Variants in CHN1 observed in about 807,000 individuals in gnomAD.
The protein encoded by CHN1 is chimerin 1.
In CHN1, 37 loss-of-function variants were observed where a neutral mutation model predicts 59.5. That is an observed-to-expected ratio of 0.62 (90% confidence interval 0.48 to 0.82). The LOEUF (loss-of-function observed/expected upper bound fraction) is 0.82. Ranked by LOEUF, CHN1 falls within the 40% of genes least tolerant of loss-of-function variation. The probability of loss-of-function intolerance (pLI) is 0.00; values close to 1 mark genes in which losing one functional copy is unlikely to be tolerated. For missense variants in CHN1, 469 were observed against 571.0 expected (o/e 0.82, Z 1.82); for synonymous variants, 206 against 200.4 (o/e 1.03, Z -0.24).
chr2:174,976,499 A>G (rs999176954), intron 1 of CHN1, among the ~76,000 whole-genome samples: 2 of 152,072 alleles, frequency 1.3e-5, no homozygotes, highest in African/African-American at 2.4e-5. Flanking sequence ...TCTGCCTCCC[A>G]AAGTGCTGGA....
At chr2:174,889,267 AGGT>A (rs2105345139) in intron 5 of CHN1, among the ~76,000 whole-genome samples, 1 of 150,324 alleles carries the variant, frequency 6.7e-6, no homozygotes, top group East Asian at 1.9e-4. Context: ...AGGCTGGAAA[AGGT>A]GGTTTTTTTT....
chr2:174,888,917 C>T lies in CHN1; in HGVS notation c.261-10789G>A, dbSNP rs545246289. Among the ~76,000 whole-genome samples the T allele has an allele frequency of 3.3e-5, 5 of 152,232 alleles. No homozygotes were observed. The East Asian group carries it at 5.8e-4, about 18-fold the overall frequency. On this transcript the variant is annotated intron_variant, in intron 5 of 12. Transcript: ENST00000409900. ...GTGCCACAGAGAAGCCAGTGCAGCC[C>T]GGTGTGAATCCACAAAAGGTGGGAG...
rs917692354 is a variant in CHN1 at position 174,873,657 on chromosome 2, G to A, written c.549+4183C>T. Among the ~76,000 whole-genome samples the A allele has an allele frequency of 3.9e-5, 6 of 152,156 alleles. No individual in the cohort carries two copies. In the South Asian group the frequency reaches 8.3e-4, roughly 21 times the overall value. ...TGGAGGTATCCAAAGAATTCAAGTA[G>A]TTATGGCAGTTTTGGGCAAGGACCC... On this transcript the variant is annotated intron_variant, in intron 6 of 12. Coordinates refer to ENST00000409900, the MANE Select transcript of CHN1 (RefSeq NM_001822.7).
At chr2:174,940,093 G>A (rs1689613358) in intron 3 of CHN1, among the ~76,000 whole-genome samples, 1 of 152,112 alleles carries the variant, frequency 6.6e-6, no homozygotes, top group African/African-American at 2.4e-5. Context: ...GCAGTGGTGT[G>A]ATCTTGGCTC....
At chr2:174,864,033 A>T (rs1236533541) in intron 6 of CHN1, among the ~76,000 whole-genome samples, 2 of 152,160 alleles carry the variant, frequency 1.3e-5, no homozygotes, top group Non-Finnish European at 2.9e-5. Flanking sequence ...CTAATCTTTC[A>T]GTGTTACTGA....
At chr2:174,831,907 T>G (rs1027911438) in intron 7 of CHN1, among the ~76,000 whole-genome samples, 1 of 152,060 alleles carries the variant, frequency 6.6e-6, no homozygotes, top group Non-Finnish European at 1.5e-5. Context: ...GGAAAATAAA[T>G]AAGTAAATGG....
intron 1 of CHN1, among the ~76,000 whole-genome samples, chr2:174,984,909 T>C (rs1344609870): frequency 6.6e-6 from 1 of 152,186 alleles, no homozygotes; most frequent in Non-Finnish European, 1.5e-5. Flanking sequence ...GATTCTTTCT[T>C]CAACAAACCT....
At chr2:174,890,699 GGA>G (rs761164544) in intron 5 of CHN1, among the ~76,000 whole-genome samples, 6 of 152,034 alleles carry the variant, frequency 3.9e-5, no homozygotes, top group Non-Finnish European at 7.4e-5. Flanking sequence ...ACAAGGAATA[GGA>G]GGACTTAAAC....
At chr2:174,847,484 T>G in intron 6 of CHN1, 2 of 1,180,986 alleles carry the variant, frequency 1.7e-6, no homozygotes, top group Non-Finnish European at 2.1e-6. Flanking sequence ...AATGATACAT[T>G]TCTAAAAGCT....
At chr2:174,807,510 GTGTT>G (rs1684934113) in intron 11 of CHN1, among the ~76,000 whole-genome samples, 1 of 134,274 alleles carries the variant, frequency 7.4e-6, no homozygotes, top group Non-Finnish European at 1.6e-5. Flanking sequence ...GTGTGTGTGT[GTGTT>G]GCTTTCTAGA....
At chr2:174,922,339 C>A (rs1689039867) in intron 3 of CHN1, among the ~76,000 whole-genome samples, 2 of 152,288 alleles carry the variant, frequency 1.3e-5, no homozygotes, top group East Asian at 3.9e-4. Context: ...TATACATGCA[C>A]ATGTACACAT....
chr2:174,873,972 G>T (rs1202782905), intron 6 of CHN1, among the ~76,000 whole-genome samples: 1 of 152,128 alleles, frequency 6.6e-6, no homozygotes, highest in Non-Finnish European at 1.5e-5. Context: ...GACAGATTTA[G>T]ATCTTAGATA....
rs952898075 is a variant in CHN1 at position 174,955,418 on chromosome 2, C to T, written c.20-3216G>A. Among the ~76,000 whole-genome samples, 5 of 151,736 alleles carry T rather than the reference C, an allele frequency of 3.3e-5. No homozygotes were observed. The East Asian group carries it at 7.8e-4, about 24-fold the overall frequency. On this transcript the variant is annotated intron_variant, in intron 1 of 12. Coordinates refer to ENST00000409900, the MANE Select transcript of CHN1 (RefSeq NM_001822.7). ...ACCAAACGTCATATGTTCTCACTTA[C>T]AGGAGGGAGTTAAGCTATGAGGACA... is the stretch of plus-strand genomic sequence containing the variant.
At chr2:174,950,419 A>G (rs1218022451) in intron 2 of CHN1, among the ~76,000 whole-genome samples, 3 of 151,890 alleles carry the variant, frequency 2.0e-5, no homozygotes, top group Non-Finnish European at 4.4e-5. Context: ...GGCATGCACC[A>G]CTACACCCAG....
intron 8 of CHN1, among the ~76,000 whole-genome samples, chr2:174,819,988 A>G (rs1025238284): frequency 1.3e-5 from 2 of 151,926 alleles, no homozygotes; most frequent in Non-Finnish European, 2.9e-5. Context: ...TACAAAGGAC[A>G]TGAACTCATT....
At chr2:174,812,754 A>G (rs1685119240) in intron 8 of CHN1, among the ~76,000 whole-genome samples, 1 of 152,220 alleles carries the variant, frequency 6.6e-6, no homozygotes, top group African/African-American at 2.4e-5. Context: ...ATCAAAATTA[A>G]TGTTTTTAAT....
At chr2:174,820,558 G>A (rs569372735) in intron 8 of CHN1, among the ~76,000 whole-genome samples, 2 of 152,206 alleles carry the variant, frequency 1.3e-5, no homozygotes, top group Non-Finnish European at 2.9e-5. Context: ...AAGGAGGCTA[G>A]AGGAAGGGTG....
intron 11 of CHN1, among the ~76,000 whole-genome samples, chr2:174,808,272 GT>G (rs757831928): frequency 3.9e-5 from 6 of 152,200 alleles, no homozygotes; most frequent in Non-Finnish European, 7.4e-5. Context: ...AAGATAGTTG[GT>G]TTTTTGTTTG....
intron 5 of CHN1, among the ~76,000 whole-genome samples, chr2:174,893,793 A>C (rs116001289): frequency 6.6e-6 from 1 of 152,194 alleles, no homozygotes; most frequent in African/African-American, 2.4e-5. Context: ...GACCAATGAA[A>C]GAGAACAGAG....
Sources: allele counts gnomAD v4.1 joint callset (sites outside exome capture counted in the v4.1 genomes callset), GRCh38; gene constraint gnomAD v4.1.1; transcripts MANE v1.5; gene names NCBI Gene and HGNC (gene_info 2026-07-23, HGNC 2026-07-21).